Variants in OMA1 observed in about 807,000 individuals in gnomAD.
OMA1 encodes OMA1 zinc metallopeptidase, also known as metalloendopeptidase OMA1, mitochondrial.
OMA1 carries 38 observed loss-of-function variants against 30.9 expected under a neutral mutation model. That is an observed-to-expected ratio of 1.23 (90% CI 0.95 to 1.61). The LOEUF is 1.61. OMA1 is among the 40% of genes most tolerant of loss of function. The pLI, the probability that OMA1 is intolerant of heterozygous loss-of-function variation, is 0.00. For synonymous variants in OMA1, 173 were observed against 121.9 expected (o/e 1.42, Z -2.76); for missense variants, 461 against 349.2 (o/e 1.32, Z -2.55).
chr1:58,491,392 A>G lies in OMA1; in HGVS notation c.1366-10218T>C, dbSNP rs1340643404. 4.6e-5 allele frequency among the ~76,000 whole-genome samples: 7 copies of G among 152,176 alleles called. No homozygotes were observed. The East Asian group carries it at 7.7e-4, about 17-fold the overall frequency. On this transcript the variant is annotated intron_variant, in intron 8 of 8. Transcript: ENST00000371226. ...AATAACCAGCTAACATCATAATGAC[A>G]GGATCAAATTCACACATAACAATAT...
In OMA1 at chr1:58,485,071, G is replaced by C. The variant is rs111633832; in HGVS notation, c.1366-3897C>G. ...GGGTGATAATGATGGGTCAACATAG[G>C]TTCATCAATTGTAACTAATATTATC... On this transcript the variant is annotated intron_variant, in intron 8 of 8. Coordinates refer to ENST00000371226, the MANE Select transcript of OMA1 (RefSeq NM_145243.5). 5.0e-3 allele frequency among the ~76,000 whole-genome samples: 756 copies of C among 151,954 alleles called. 9 individuals are homozygous for C. The highest frequency in any genetic ancestry group is 0.044 in the South Asian group (211 of 4,800).
intron 7 of OMA1, among the ~76,000 whole-genome samples, chr1:58,517,548 T>G (rs1462763071): frequency 6.6e-6 from 1 of 152,210 alleles, no homozygotes; most frequent in East Asian, 1.9e-4. Context: ...ATCCCTCAAG[T>G]TACATCTCTG....
chr1:58,531,954 A>G (rs1847350), intron 5 of OMA1, among the ~76,000 whole-genome samples: 17,657 of 151,708 alleles, frequency 0.12, 1,221 homozygotes, highest in African/African-American at 0.18. Flanking sequence ...TGATCCACCC[A>G]CCTCAGCCTC....
intron 8 of OMA1, among the ~76,000 whole-genome samples, chr1:58,492,306 A>C (rs1411930861): frequency 6.6e-6 from 1 of 152,242 alleles, no homozygotes; most frequent in Non-Finnish European, 1.5e-5. Flanking sequence ...CTCACAAAAG[A>C]AAGCAGGAAA....
intron 7 of OMA1, among the ~76,000 whole-genome samples, chr1:58,508,872 A>G (rs374705282): frequency 1.3e-5 from 2 of 151,168 alleles, no homozygotes; most frequent in African/African-American, 4.9e-5. Context: ...TCACGTGTCC[A>G]ACATTCTAAC....
At chr1:58,536,376 G>A in intron 3 of OMA1, 137 bp downstream of exon 3, 1 of 611,868 alleles carries the variant, frequency 1.6e-6, no homozygotes, top group East Asian at 2.8e-5. Context: ...AAAGGTCTGA[G>A]GCCTTCGGGA....
intron 8 of OMA1, among the ~76,000 whole-genome samples, chr1:58,493,015 C>T (rs1210527928): frequency 1.3e-5 from 2 of 152,162 alleles, no homozygotes; most frequent in East Asian, 3.8e-4. Context: ...CAAAAATCCT[C>T]AATAAAATAC....
chr1:58,527,371 ATTTATTTCACG>A (rs1248748763), intron 6 of OMA1, 36 bp from the exon 7 acceptor site: 1 of 859,608 alleles, frequency 1.2e-6, no homozygotes, highest in Admixed American at 1.7e-5. Flanking sequence ...CATTAAGACA[ATTTATTTCACG>A]AAAAAAGGAG....
chr1:58,489,719 G>A (rs1176918331), intron 8 of OMA1, among the ~76,000 whole-genome samples: 2 of 152,140 alleles, frequency 1.3e-5, no homozygotes, highest in African/African-American at 2.4e-5. Flanking sequence ...CACCTCACAG[G>A]GCCGGGTACT....
At chr1:58,485,553 A>G (rs1427769903) in intron 8 of OMA1, among the ~76,000 whole-genome samples, 5 of 152,074 alleles carry the variant, frequency 3.3e-5, no homozygotes, top group Admixed American at 6.6e-5. Flanking sequence ...TCAAATCTTC[A>G]TCTACTTTGC....
At chr1:58,487,408 C>T (rs1645594155) in intron 8 of OMA1, among the ~76,000 whole-genome samples, 1 of 152,042 alleles carries the variant, frequency 6.6e-6, no homozygotes, top group African/African-American at 2.4e-5. Flanking sequence ...AATTAATGAC[C>T]CCAGTCCATA....
At chr1:58,531,470 A>G (rs932712904) in intron 5 of OMA1, among the ~76,000 whole-genome samples, 1 of 152,190 alleles carries the variant, frequency 6.6e-6, no homozygotes, top group Non-Finnish European at 1.5e-5. Context: ...AAGTTTAATG[A>G]ACTAGATTGT....
chr1:58,527,210 T>C lies in OMA1; in HGVS notation c.1215+51A>G, dbSNP rs768888145. ...GCCTCATTAAAATAACACACGTTTA[T>C]CTTTCAGCCTGGGAAGGGCATTATG... On this transcript the variant is annotated intron_variant, in intron 7 of 8. Transcript: ENST00000371226. 2.4e-5 allele frequency: 20 copies of C among 847,376 alleles called. 1 individual carries two copies. Among genetic ancestry groups the C allele is most frequent in the East Asian group, 1.4e-4 (6 of 41,500 alleles). The allele number at this position is 847,376 out of a possible 1,614,324, so 52.5% of individuals were successfully genotyped here. A position where few individuals can be genotyped will look rare whatever the true frequency, so the allele number is the denominator to read the frequency against.
At chr1:58,533,106 T>C (rs1331370151) in intron 5 of OMA1, among the ~76,000 whole-genome samples, 4 of 152,256 alleles carry the variant, frequency 2.6e-5, no homozygotes, top group African/African-American at 7.2e-5. Context: ...GAGCCATTTA[T>C]ATTTTTAAAT....
chr1:58,528,975 C>T (rs1323330663), intron 6 of OMA1, among the ~76,000 whole-genome samples: 1 of 152,122 alleles, frequency 6.6e-6, no homozygotes, highest in Non-Finnish European at 1.5e-5. Flanking sequence ...TTTCTTATGA[C>T]CAACTGTGCT....
At chr1:58,488,780 TCTCA>T (rs1285884578) in intron 8 of OMA1, among the ~76,000 whole-genome samples, 7 of 152,300 alleles carry the variant, frequency 4.6e-5, no homozygotes, top group South Asian at 4.1e-4. Context: ...CTCACCCACT[TCTCA>T]CTGTTTCCCC....
rs541125615 is a variant in OMA1, at chr1:58,536,566, G to T, written c.676C>A (p.Leu226Ile). ...CTGAACTGTTCTTTCCCCAATAATA[G>T]TAGCTTGCTCCTTCCTGTGATTGGA... is the stretch of plus-strand genomic sequence containing the variant. Reference protein sequence around the residue: ...VSPITGRSKLLLLGKEQFRLL... With the variant: ...VSPITGRSKLILLGKEQFRLL... The change falls in exon 3 of 9, where the codon CTA (leucine) becomes ATA (isoleucine). Residue 226 changes from leucine to isoleucine, a missense_variant. By Grantham distance (5) the Leu-to-Ile change is conservative. Transcript: ENST00000371226. 9 of 872,726 alleles carry T rather than the reference G, an allele frequency of 1.0e-5. No individual in the cohort carries two copies. The South Asian group carries it at 1.2e-4, about 11-fold the overall frequency. 54.1% of individuals were successfully genotyped at this position (872,726 alleles called of 1,614,324 possible).
chr1:58,538,732 T>C (rs1646557124), intron 2 of OMA1, 63 bp downstream of exon 2: 1 of 689,266 alleles, frequency 1.5e-6, no homozygotes, highest in Non-Finnish European at 2.5e-6. Flanking sequence ...AGTTAATACG[T>C]TAGCACAAAA....
chr1:58,536,474 T>C, intron 3 of OMA1, 39 bp downstream of exon 3: 1 of 812,926 alleles, frequency 1.2e-6, no homozygotes, highest in Non-Finnish European at 2.2e-6. Context: ...TTGAGTGTTA[T>C]ATTAAGCAGT....
Sources: allele counts gnomAD v4.1 joint callset (sites outside exome capture counted in the v4.1 genomes callset), GRCh38; gene constraint gnomAD v4.1.1; transcripts MANE v1.5; gene names NCBI Gene and HGNC (gene_info 2026-07-23, HGNC 2026-07-21).